The following TMEM117 variants were observed in gnomAD, a reference collection of about 807,000 sequenced individuals.
TMEM117 encodes the protein transmembrane protein 117.
In TMEM117, 27 loss-of-function variants were observed where a neutral mutation model predicts 52.4. The ratio of observed to expected loss-of-function variants is 0.51; its 90% CI spans 0.38 to 0.71. TMEM117 has a LOEUF of 0.71. TMEM117 is among the 30% of genes least tolerant of loss of function. The pLI, the probability that TMEM117 is intolerant of heterozygous loss-of-function variation, is 0.00. For missense variants in TMEM117, 556 were observed against 630.5 expected (o/e 0.88, Z 1.26); for synonymous variants, 215 against 206.3 (o/e 1.04, Z -0.36).
At chr12:44,323,849 G>T (rs1831394092) in intron 6 of TMEM117, among the ~76,000 whole-genome samples, 2 of 152,018 alleles carry the variant, frequency 1.3e-5, no homozygotes, top group South Asian at 4.1e-4. Flanking sequence ...TATAAATGAG[G>T]TGTGTGTATT....
At chr12:44,096,800 A>G (rs1302016911) in intron 3 of TMEM117, among the ~76,000 whole-genome samples, 3 of 152,120 alleles carry the variant, frequency 2.0e-5, no homozygotes, top group East Asian at 1.9e-4. Flanking sequence ...GGACATAGGC[A>G]TGGGCAAGGA....
At chr12:43,804,504 T>C in the TMEM117 span, 11 of 1,586,802 alleles carry the variant, frequency 6.9e-6, no homozygotes, top group African/African-American at 5.4e-5. Context: ...CCATTTTCAA[T>C]AGATATTTTC....
At chr12:44,265,406 A>C (rs886815669) in intron 5 of TMEM117, among the ~76,000 whole-genome samples, 3 of 152,134 alleles carry the variant, frequency 2.0e-5, no homozygotes, top group Non-Finnish European at 4.4e-5. Context: ...TAAGTTTAAA[A>C]GGTCATTTTT....
At chr12:44,088,408 T>C (rs1947608410) in intron 3 of TMEM117, among the ~76,000 whole-genome samples, 2 of 152,254 alleles carry the variant, frequency 1.3e-5, no homozygotes. Context: ...AGTGATTGTC[T>C]CACTCAACTA....
intron 3 of TMEM117, among the ~76,000 whole-genome samples, chr12:43,973,756 C>G (rs1428129537): frequency 6.6e-6 from 1 of 152,130 alleles, no homozygotes; most frequent in Non-Finnish European, 1.5e-5. Context: ...GACTGGTTTC[C>G]CAGATGTTAT....
the TMEM117 span, among the ~76,000 whole-genome samples, chr12:43,813,007 C>CA: frequency 0.25 from 35,683 of 142,872 alleles, 4,419 homozygotes; most frequent in Middle Eastern, 0.36. Flanking sequence ...ACCCTGTCTC[C>CA]AAAAAAAAAA....
the TMEM117 span, among the ~76,000 whole-genome samples, chr12:43,820,251 C>A: frequency 6.6e-6 from 1 of 152,116 alleles, no homozygotes; most frequent in African/African-American, 2.4e-5. Flanking sequence ...GCGTGCGCCA[C>A]CACGCCCAAC....
intron 2 of TMEM117, among the ~76,000 whole-genome samples, chr12:43,892,669 A>G (rs892717520): frequency 6.6e-6 from 1 of 152,312 alleles, no homozygotes. Context: ...TGGAAATTCC[A>G]GAGATATTTA....
chr12:44,224,282 T>A (rs1176649643), intron 5 of TMEM117, among the ~76,000 whole-genome samples: 1 of 152,128 alleles, frequency 6.6e-6, no homozygotes, highest in African/African-American at 2.4e-5. Context: ...TATCTATACA[T>A]CTTTGTATCA....
the TMEM117 span, chr12:43,797,407 T>C: frequency 5.2e-5 from 84 of 1,600,936 alleles, 1 homozygote; most frequent in African/African-American, 1.1e-3. Flanking sequence ...AGTTCTGTAT[T>C]TGTTGTGTTG....
At chr12:44,046,286 C>T (rs1946880064) in intron 3 of TMEM117, among the ~76,000 whole-genome samples, 3 of 152,180 alleles carry the variant, frequency 2.0e-5, no homozygotes, top group South Asian at 4.1e-4. Context: ...AGATTGCCAC[C>T]TGGACACTTT....
chr12:43,959,814 A>G (rs11182347), intron 3 of TMEM117, among the ~76,000 whole-genome samples: 1,769 of 152,298 alleles, frequency 0.012, 41 homozygotes, highest in East Asian at 0.07. Flanking sequence ...ATTTAATAAA[A>G]TATAAGTGAC....
intron 4 of TMEM117, among the ~76,000 whole-genome samples, chr12:44,205,042 A>G (rs1395668390): frequency 6.6e-6 from 1 of 152,208 alleles, no homozygotes; most frequent in African/African-American, 2.4e-5. Context: ...CAAAACAAAA[A>G]TGGACATGTG....
intron 3 of TMEM117, among the ~76,000 whole-genome samples, chr12:44,087,123 T>G (rs1422755466): frequency 3.3e-5 from 5 of 151,216 alleles, no homozygotes; most frequent in Admixed American, 6.6e-5. Context: ...ATAGATCTAT[T>G]CCTATCCTAG....
chr12:43,994,196 C>G (rs752427225), intron 3 of TMEM117, among the ~76,000 whole-genome samples: 1 of 152,096 alleles, frequency 6.6e-6, no homozygotes, highest in Non-Finnish European at 1.5e-5. Context: ...AAGGGACCAT[C>G]GTATTAAAAG....
At chr12:44,096,419 C>T (rs1053893992) in intron 3 of TMEM117, among the ~76,000 whole-genome samples, 2 of 151,844 alleles carry the variant, frequency 1.3e-5, no homozygotes, top group Non-Finnish European at 2.9e-5. Flanking sequence ...AATCCTAAGC[C>T]AAAAGAACAA....
chr12:44,089,522 C>G (rs995296975), intron 3 of TMEM117, among the ~76,000 whole-genome samples: 1 of 152,112 alleles, frequency 6.6e-6, no homozygotes, highest in African/African-American at 2.4e-5. Context: ...AAACAATGGC[C>G]CCTACCACCT....
intron 2 of TMEM117, among the ~76,000 whole-genome samples, chr12:43,931,067 C>T (rs1944863694): frequency 6.6e-6 from 1 of 152,192 alleles, no homozygotes; most frequent in Non-Finnish European, 1.5e-5. Context: ...TGAGAACCCA[C>T]CCCAAGCTGG....
chr12:44,353,295 G>T (rs1259342494), intron 6 of TMEM117, among the ~76,000 whole-genome samples: 3 of 152,114 alleles, frequency 2.0e-5, no homozygotes, highest in Non-Finnish European at 4.4e-5. Context: ...AAGCTCTTGA[G>T]TTTAATTAGA....
Sources: gnomAD v4.1 joint callset for allele counts (sites outside exome capture counted in the v4.1 genomes callset) on GRCh38, gnomAD v4.1.1 for gene constraint, MANE v1.5 for transcripts, NCBI Gene and HGNC (gene_info 2026-07-23, HGNC 2026-07-21) for gene names.